The following MATCAP2 variants were observed in gnomAD, a reference collection of about 807,000 sequenced individuals.
MATCAP2 encodes putative tyrosine carboxypeptidase MATCAP2.
chr7:36,371,631 T>C, the MATCAP2 span, among the ~76,000 whole-genome samples: 1 of 152,158 alleles, frequency 6.6e-6, no homozygotes, highest in African/African-American at 2.4e-5. Context: ...AGTTTGATCA[T>C]TTACCTTGAT....
the MATCAP2 span, chr7:36,327,056 T>C: frequency 1.4e-6 from 1 of 692,008 alleles, no homozygotes; most frequent in South Asian, 2.1e-5. Flanking sequence ...GTAACAAAAA[T>C]CAGTGACTTA....
chr7:36,385,880 C>T, the MATCAP2 span, among the ~76,000 whole-genome samples: 4 of 150,930 alleles, frequency 2.7e-5, no homozygotes, highest in Admixed American at 6.6e-5. Context: ...GTTGGGTAGG[C>T]GCAGTGGCTC....
chr7:36,328,465 C>T, the MATCAP2 span, among the ~76,000 whole-genome samples: 9 of 151,942 alleles, frequency 5.9e-5, no homozygotes, highest in South Asian at 2.1e-4. Context: ...GAACTCAGCC[C>T]GGTGCCAGTG....
the MATCAP2 span, among the ~76,000 whole-genome samples, chr7:36,330,262 T>G: frequency 1.1e-4 from 16 of 151,848 alleles, no homozygotes; most frequent in East Asian, 2.9e-3. Context: ...TTTTTAAAAT[T>G]TTTTATAAAG....
At chr7:36,332,008 G>A in the MATCAP2 span, among the ~76,000 whole-genome samples, 32 of 152,312 alleles carry the variant, frequency 2.1e-4, no homozygotes, top group African/African-American at 7.5e-4. Context: ...TGGAAGAATA[G>A]ACGAACCACA....
chr7:36,352,120 G>T, the MATCAP2 span, among the ~76,000 whole-genome samples: 6 of 151,932 alleles, frequency 3.9e-5, no homozygotes, highest in African/African-American at 1.4e-4. Flanking sequence ...TTTTCACTGG[G>T]CGCACTGGCT....
At chr7:36,382,079 G>A in the MATCAP2 span, among the ~76,000 whole-genome samples, 1 of 151,822 alleles carries the variant, frequency 6.6e-6, no homozygotes, top group African/African-American at 2.4e-5. Flanking sequence ...GATCACCTGA[G>A]GTCAGGAGTT....
chr7:36,357,631 G>C, the MATCAP2 span: 13 of 1,433,368 alleles, frequency 9.1e-6, no homozygotes, highest in Non-Finnish European at 1.1e-5. Context: ...AAATAACAAA[G>C]ATACCAGATG....
chr7:36,357,407 T>C, the MATCAP2 span: 1 of 1,614,168 alleles, frequency 6.2e-7, no homozygotes, highest in Non-Finnish European at 8.5e-7. Flanking sequence ...TTTTTGTGAA[T>C]GATACTTTTT....
At chr7:36,353,772 T>C in the MATCAP2 span, among the ~76,000 whole-genome samples, 1 of 152,150 alleles carries the variant, frequency 6.6e-6, no homozygotes, top group African/African-American at 2.4e-5. Context: ...TGAGCCACCA[T>C]ACCCAGCCTC....
the MATCAP2 span, among the ~76,000 whole-genome samples, chr7:36,358,701 CTAA>C: frequency 3.3e-5 from 5 of 152,176 alleles, no homozygotes; most frequent in Non-Finnish European, 5.9e-5. Context: ...TAGAATGCTA[CTAA>C]TTCAGCACAT....
At chr7:36,383,898 C>T in the MATCAP2 span, 1 of 1,603,112 alleles carries the variant, frequency 6.2e-7, no homozygotes, top group Non-Finnish European at 8.5e-7. Context: ...CTTGCCACTG[C>T]CTTATGATTA....
the MATCAP2 span, among the ~76,000 whole-genome samples, chr7:36,330,396 G>A: frequency 2.0e-5 from 3 of 152,046 alleles, no homozygotes; most frequent in Admixed American, 6.6e-5. Flanking sequence ...ACCCTGCCCA[G>A]CCCGAGTCTT....
the MATCAP2 span, among the ~76,000 whole-genome samples, chr7:36,373,324 G>A: frequency 6.6e-6 from 1 of 152,154 alleles, no homozygotes; most frequent in Non-Finnish European, 1.5e-5. Flanking sequence ...ATGCTAGATG[G>A]TAGGTAACTT....
At chr7:36,383,917 C>T in the MATCAP2 span, 1 of 1,578,130 alleles carries the variant, frequency 6.3e-7, no homozygotes, top group African/African-American at 1.4e-5. Flanking sequence ...TAGGTCTTGG[C>T]CTTTTCTCTC....
the MATCAP2 span, among the ~76,000 whole-genome samples, chr7:36,379,813 TACACAC>T: frequency 0.06 from 7,474 of 124,130 alleles, 309 homozygotes; most frequent in Non-Finnish European, 0.084. Context: ...CAATGGTAAG[TACACAC>T]ACACACACAC....
chr7:36,351,661 T>G, the MATCAP2 span, among the ~76,000 whole-genome samples: 1 of 151,854 alleles, frequency 6.6e-6, no homozygotes, highest in Non-Finnish European at 1.5e-5. Flanking sequence ...AAAAAAAAAT[T>G]TAGGGCCAGG....
At chr7:36,360,988 G>A in the MATCAP2 span, among the ~76,000 whole-genome samples, 5 of 152,140 alleles carry the variant, frequency 3.3e-5, no homozygotes, top group African/African-American at 4.8e-5. Context: ...CTATATTGGA[G>A]AGAATGAAAA....
the MATCAP2 span, among the ~76,000 whole-genome samples, chr7:36,329,090 A>ATATC: frequency 6.6e-6 from 1 of 152,154 alleles, no homozygotes; most frequent in African/African-American, 2.4e-5. Context: ...TGTTCATATT[A>ATATC]TATCTATATT....
Sources: gnomAD v4.1 joint callset for allele counts (sites outside exome capture counted in the v4.1 genomes callset) on GRCh38, gnomAD v4.1.1 for gene constraint, MANE v1.5 for transcripts, NCBI Gene and HGNC (gene_info 2026-07-23, HGNC 2026-07-21) for gene names.